Variants in FBXO25 observed in about 807,000 individuals in gnomAD.
FBXO25 encodes F-box protein 25, also known as F-box only protein 25.
Under a neutral mutation model 51.9 loss-of-function variants are expected in FBXO25, and 45 were observed. The ratio of observed to expected loss-of-function variants is 0.87; its 90% CI spans 0.68 to 1.11. The LOEUF (loss-of-function observed/expected upper bound fraction) is 1.11, where lower values mean the gene tolerates loss of function less well. Ranked by LOEUF, FBXO25 falls within the 50% of genes most tolerant of loss-of-function variation. The pLI is 0.00. For missense variants in FBXO25, 507 were observed against 428.5 expected (o/e 1.18, Z -1.62); for synonymous variants, 199 against 151.0 (o/e 1.32, Z -2.33).
chr8:411,750 A>G (rs1408131707), intron 1 of FBXO25, among the ~76,000 whole-genome samples: 2 of 151,972 alleles, frequency 1.3e-5, no homozygotes, highest in Non-Finnish European at 2.9e-5. Context: ...ACTGGTAGGG[A>G]GGGGGTTGAG....
chr8:418,586 C>T (rs1174326076), intron 2 of FBXO25, among the ~76,000 whole-genome samples: 1 of 152,070 alleles, frequency 6.6e-6, no homozygotes, highest in African/African-American at 2.4e-5. Context: ...GTGATGCACC[C>T]GCCTCAGCCT....
At chr8:445,017 A>G (rs1585062783) in intron 5 of FBXO25, among the ~76,000 whole-genome samples, 3 of 152,306 alleles carry the variant, frequency 2.0e-5, no homozygotes, top group East Asian at 3.9e-4. Flanking sequence ...TAAATTCCCA[A>G]CAGACTTTGC....
At chr8:442,287 AT>A (rs57747775) in intron 5 of FBXO25, among the ~76,000 whole-genome samples, 41,222 of 148,836 alleles carry the variant, frequency 0.28, 6,195 homozygotes, top group Non-Finnish European at 0.33. Flanking sequence ...TACTCCAATT[AT>A]TTTTTTTTTT....
chr8:422,158 C>T (rs141860614), intron 2 of FBXO25, among the ~76,000 whole-genome samples: 9,595 of 152,200 alleles, frequency 0.063, 322 homozygotes, highest in Middle Eastern at 0.086. Context: ...AGTCTCCCCC[C>T]AAATAGCTAT....
intron 2 of FBXO25, among the ~76,000 whole-genome samples, chr8:417,311 C>G (rs1796867480): frequency 6.6e-6 from 1 of 152,234 alleles, no homozygotes; most frequent in Non-Finnish European, 1.5e-5. Context: ...GTGTTAAAAA[C>G]AGACTTCCAA....
rs972073005 is a variant in FBXO25 at position 465,532 on chromosome 8, A to G, written c.987+2382A>G. On this transcript the variant is annotated intron_variant, in intron 9 of 9. Coordinates refer to ENST00000350302, the MANE Select transcript of FBXO25 (RefSeq NM_183420.2). ...TCCCTGTCTGCTGAGCAACTAACAA[A>G]GAAATACACAGTCCTTCGCTTCCAC... Among the ~76,000 whole-genome samples the G allele has an allele frequency of 3.9e-5, 6 of 152,232 alleles. 1 individual carries two copies. Among genetic ancestry groups the G allele is most frequent in the African/African-American group, 1.4e-4 (6 of 41,446 alleles).
chr8:477,768 G>C lies in FBXO25; in HGVS notation c.*8964G>C, dbSNP rs1397809227. On this transcript the variant is annotated 3_prime_UTR_variant, in exon 10 of 10. Coordinates refer to ENST00000350302, the MANE Select transcript of FBXO25 (RefSeq NM_183420.2). ...CCAAACTTTTTGGACAATAAAATCT[G>C]AATTTCACATACTTTTCTTATGTCA... is the stretch of plus-strand genomic sequence containing the variant. 1 of 152,216 alleles carries C rather than the reference G, an allele frequency of 6.6e-6. No homozygotes were observed. Among genetic ancestry groups the C allele is most frequent in the African/African-American group, 2.4e-5 (1 of 41,440 alleles). The allele number at this position is 152,216 out of a possible 1,614,324, so 9.4% of individuals were successfully genotyped here.
intron 2 of FBXO25, among the ~76,000 whole-genome samples, chr8:421,247 GCA>G (rs1262581373): frequency 6.6e-6 from 1 of 152,222 alleles, no homozygotes; most frequent in East Asian, 1.9e-4. Flanking sequence ...ATCTGAGGTG[GCA>G]CAGTTTCATC....
At chr8:425,618 T>A (rs1182138821) in intron 2 of FBXO25, among the ~76,000 whole-genome samples, 1 of 151,700 alleles carries the variant, frequency 6.6e-6, no homozygotes, top group East Asian at 1.9e-4. Flanking sequence ...TTATTTAAAT[T>A]TGTATTGATA....
At position 407,045 on chromosome 8, in the gene FBXO25, C is replaced by G. The variant is rs1481483302; in HGVS notation, c.-29C>G. On this transcript the variant is annotated 5_prime_UTR_variant, in exon 1 of 10. Coordinates refer to ENST00000350302, the MANE Select transcript of FBXO25 (RefSeq NM_183420.2). The stretch of plus-strand genomic sequence containing the variant: ...GGGACGCGGGCGCGTCAGGTGAAGA[C>G]TGGGGGCCGCAGGCGCGCTAGGTAG... 6.6e-6 allele frequency: 1 copy of G among 152,380 alleles called. No homozygotes were observed. Among genetic ancestry groups the G allele is most frequent in the African/African-American group, 2.4e-5 (1 of 41,408 alleles). The allele number at this position is 152,380 out of a possible 1,614,324, so 9.4% of individuals were successfully genotyped here.
chr8:458,428 A>G lies in FBXO25; in HGVS notation c.720A>G (p.Leu240=), dbSNP rs781134368. 227 of 1,614,056 alleles carry G rather than the reference A, an allele frequency of 1.4e-4. No individual in the cohort carries two copies. Among genetic ancestry groups the G allele is most frequent in the Non-Finnish European group, 1.5e-4 (174 of 1,180,036 alleles). ...CTCTGCACATGCTGAACAACATCCT[A>G]TACCGGTTCTCAGACGGATGGGACA... is the stretch of plus-strand genomic sequence containing the variant. ...DLPLHMLNNI[L]YRFSDGWDII... is the part of the protein sequence containing the mutation. The change falls in exon 8 of 10, where the codon CTA becomes CTG. Residue 240 remains leucine (L), a synonymous_variant. Coordinates refer to ENST00000350302, the MANE Select transcript of FBXO25 (RefSeq NM_183420.2).
chr8:458,335 T>A, intron 7 of FBXO25, 34 bp from the exon 8 acceptor site: 1 of 1,601,568 alleles, frequency 6.2e-7, no homozygotes, highest in Non-Finnish European at 8.5e-7. Context: ...ATTGGCCATC[T>A]TCTCAGTGAG....
In FBXO25 at chr8:468,780, C is replaced by T. The variant is rs764585203; in HGVS notation, c.1053C>T (p.His351=). 28 of 1,613,934 alleles carry T rather than the reference C, an allele frequency of 1.7e-5. No individual in the cohort carries two copies. Among genetic ancestry groups the T allele is most frequent in the Middle Eastern group, 1.6e-4 (1 of 6,084 alleles). ...GCTTCACGCCTGTGTCTCCGCAGCA[C>T]TTCATCGACCTCTTCAAGTTTTAAG... ...DSCFTPVSPQ[H]FIDLFKF The change falls in exon 10 of 10, where the codon CAC becomes CAT. Residue 351 remains histidine, a synonymous_variant. Transcript: ENST00000350302.
At chr8:462,611 T>G (rs1441594344) in intron 8 of FBXO25, among the ~76,000 whole-genome samples, 1 of 152,248 alleles carries the variant, frequency 6.6e-6, no homozygotes, top group Non-Finnish European at 1.5e-5. Context: ...CAGATAGACC[T>G]GGAGGCCATT....
chr8:468,720 A>T lies in FBXO25; in HGVS notation c.993A>T (p.Ser331=), dbSNP rs1263278146. ...CATCTCCCACCTCCCCACAGGACTC[A>T]GGACACCCCTGCACGGCGGCCGACC... is the stretch of plus-strand genomic sequence containing the variant. ...RHCSILFWKD[S]GHPCTAADPD... is the part of the protein sequence containing the mutation. Residue 331 remains serine (S), a synonymous_variant, in exon 10 of 10, where the codon TCA becomes TCT. Coordinates refer to ENST00000350302, the MANE Select transcript of FBXO25 (RefSeq NM_183420.2). 1.2e-6 allele frequency: 2 copies of T among 1,613,724 alleles called. No homozygotes were observed. The highest frequency in any genetic ancestry group is 1.7e-6 in the Non-Finnish European group (2 of 1,179,922).
intron 1 of FBXO25, among the ~76,000 whole-genome samples, chr8:410,989 G>A (rs1450993428): frequency 6.6e-6 from 1 of 152,056 alleles, no homozygotes; most frequent in Non-Finnish European, 1.5e-5. Context: ...TATCTTCTAG[G>A]ATTGTATAAG....
At chr8:418,713 G>C (rs1341000773) in intron 2 of FBXO25, among the ~76,000 whole-genome samples, 2 of 152,102 alleles carry the variant, frequency 1.3e-5, no homozygotes, top group Admixed American at 6.5e-5. Context: ...AAAAAACTAA[G>C]AAGATAAGAA....
At chr8:438,238 T>C (rs927323218) in intron 5 of FBXO25, among the ~76,000 whole-genome samples, 1 of 152,114 alleles carries the variant, frequency 6.6e-6, no homozygotes, top group Non-Finnish European at 1.5e-5. Flanking sequence ...TTTGTATTTT[T>C]AGTAGAGATG....
At chr8:456,389 A>G (rs183276101) in intron 7 of FBXO25, among the ~76,000 whole-genome samples, 73 of 152,052 alleles carry the variant, frequency 4.8e-4, no homozygotes, top group African/African-American at 1.5e-3. Flanking sequence ...TCTCTTTTCT[A>G]TGTGCTCTCT....
Sources: gnomAD v4.1 joint callset for allele counts (sites outside exome capture counted in the v4.1 genomes callset) on GRCh38, gnomAD v4.1.1 for gene constraint, MANE v1.5 for transcripts, NCBI Gene and HGNC (gene_info 2026-07-23, HGNC 2026-07-21) for gene names.